CEP41: variants seen among roughly 807,000 people sequenced by gnomAD.
CEP41 encodes centrosomal protein 41.
In CEP41, 32 loss-of-function variants were observed where a neutral mutation model predicts 44.3. The ratio of observed to expected loss-of-function variants is 0.72; its 90% CI spans 0.54 to 0.97. The LOEUF (loss-of-function observed/expected upper bound fraction) is 0.97, where lower values mean the gene tolerates loss of function less well. Ranked by LOEUF, CEP41 falls within the 50% of genes least tolerant of loss-of-function variation. The probability of loss-of-function intolerance (pLI) is 0.00; values close to 1 mark genes in which losing one functional copy is unlikely to be tolerated. For missense variants in CEP41, 432 were observed against 455.2 expected, an observed-to-expected ratio of 0.95 and a Z score of 0.46; for synonymous variants, 151 against 168.5, an observed-to-expected ratio of 0.90 and a Z score of 0.80.
At chr7:130,440,469 C>T (rs1348862482) in intron 1 of CEP41, 7 of 292,468 alleles carry the variant, frequency 2.4e-5, no homozygotes, top group Non-Finnish European at 4.0e-5. Flanking sequence ...CTGAAGGGTC[C>T]TATGGAGAGA....
At position 130,398,013 on chromosome 7, in the gene CEP41, A is replaced by G. The variant is rs1257250168; in HGVS notation, c.*878T>C. The G allele has an allele frequency of 4.4e-6, 2 of 454,306 alleles. No homozygotes were observed. Among genetic ancestry groups the G allele is most frequent in the Non-Finnish European group, 8.8e-6 (2 of 226,792 alleles). 28.1% of individuals were successfully genotyped at this position (454,306 alleles called of 1,614,324 possible). A position where few individuals can be genotyped will look rare whatever the true frequency, so the allele number is the denominator to read the frequency against. ...TGTGTGTCCACAGTTGTCCAACCAA[A>G]GCTGGTATTTTCAACTGGCCATAAT... On this transcript the variant is annotated 3_prime_UTR_variant, in exon 11 of 11. Transcript: ENST00000223208.
Position 130,396,798 on chromosome 7 carries a change from ACC to A in CEP41, c.*2091_*2092del, listed in dbSNP as rs782445358. ...GGAGAAATACACATAAATATATCCA[ACC>A]TGCCAGATCTCTCAGGTGAGTGCAC... On this transcript the variant is annotated 3_prime_UTR_variant, in exon 11 of 11. Transcript: ENST00000223208. The A allele has an allele frequency of 4.4e-6, 2 of 453,960 alleles. No homozygotes were observed. The highest frequency in any genetic ancestry group is 3.1e-5 in the South Asian group (2 of 64,442). The allele number at this position is 453,960 out of a possible 1,614,324, so 28.1% of individuals were successfully genotyped here.
rs191638989 is a variant in CEP41, at chr7:130,398,748, G to C, written c.*143C>G. On this transcript the variant is annotated 3_prime_UTR_variant, in exon 11 of 11. Transcript: ENST00000223208. ...GCCTCCTGAGGGGAGAGGAACTGGA[G>C]ACAGGGACAGGGAAGAGGCCTATCC... The C allele has an allele frequency of 5.6e-5, 57 of 1,010,032 alleles. No individual in the cohort carries two copies. The East Asian group carries it at 1.2e-3, about 21-fold the overall frequency. 62.6% of individuals were successfully genotyped at this position (1,010,032 alleles called of 1,614,324 possible).
chr7:130,405,262 T>G (rs782300236), intron 5 of CEP41, among the ~76,000 whole-genome samples: 1 of 152,202 alleles, frequency 6.6e-6, no homozygotes, highest in Non-Finnish European at 1.5e-5. Context: ...GGAAAAGTAT[T>G]AGTGTGATTG....
chr7:130,425,501 C>T lies in CEP41; in HGVS notation c.97+2454G>A, dbSNP rs138708635. On this transcript the variant is annotated intron_variant, in intron 2 of 10. Coordinates refer to ENST00000223208, the MANE Select transcript of CEP41 (RefSeq NM_018718.3). ...GCCAAAATAAAAGCTGGTGACAACA[C>T]CAAATGCTGACAAGGATGTGGAGAA... is the stretch of plus-strand genomic sequence containing the variant. 2.6e-5 allele frequency among the ~76,000 whole-genome samples: 4 copies of T among 152,260 alleles called. No individual in the cohort carries two copies. In the South Asian group the frequency reaches 8.3e-4, roughly 32 times the overall value.
rs140706708 is a variant in CEP41 at position 130,394,315 on chromosome 7, C to G, written c.*4576G>C. On this transcript the variant is annotated 3_prime_UTR_variant, in exon 11 of 11. Transcript: ENST00000223208. Reference sequence around the variant, plus strand: ...TCTACCCGAACCTCAGTCTCCTCATCTGAAAATGGGGGTGCCTGCCTCATC... The same window carrying G: ...TCTACCCGAACCTCAGTCTCCTCATGTGAAAATGGGGGTGCCTGCCTCATC... The G allele has an allele frequency of 1.5e-5, 7 of 454,092 alleles. No homozygotes were observed. The highest frequency in any genetic ancestry group is 4.7e-5 in the South Asian group (3 of 64,478). The allele number at this position is 454,092 out of a possible 1,614,324, so 28.1% of individuals were successfully genotyped here.
intron 2 of CEP41, chr7:130,422,143 G>T: frequency 1.0e-6 from 1 of 1,001,772 alleles, no homozygotes; most frequent in Non-Finnish European, 1.4e-6. Context: ...CCAGGAGGAA[G>T]ATAGCAGTCT....
intron 5 of CEP41, among the ~76,000 whole-genome samples, chr7:130,406,370 G>T (rs1362885480): frequency 4.6e-5 from 7 of 152,044 alleles, no homozygotes; most frequent in African/African-American, 1.7e-4. Flanking sequence ...GATCACTTGA[G>T]GTCAGGAGTT....
chr7:130,397,724 A>T lies in CEP41; in HGVS notation c.*1167T>A. 1 of 454,208 alleles carries T rather than the reference A, an allele frequency of 2.2e-6. No homozygotes were observed. Among genetic ancestry groups the T allele is most frequent in the Non-Finnish European group, 4.4e-6 (1 of 226,696 alleles). The allele number at this position is 454,208 out of a possible 1,614,324, so 28.1% of individuals were successfully genotyped here. On this transcript the variant is annotated 3_prime_UTR_variant, in exon 11 of 11. Coordinates refer to ENST00000223208, the MANE Select transcript of CEP41 (RefSeq NM_018718.3). ...ACCGCTCTTTTCCATCTGATTTCAG[A>T]GTTCCTCATCCTTACCTGAGGCCTT...
chr7:130,417,474 C>T (rs1797371443), intron 2 of CEP41: 1 of 402,454 alleles, frequency 2.5e-6, no homozygotes, highest in Non-Finnish European at 3.5e-6. Flanking sequence ...TTCATGCTCA[C>T]GTTGCAGTCT....
In CEP41 at chr7:130,429,034, A is replaced by G. The variant is rs972861903; in HGVS notation, c.34-1016T>C. ...ACTGTAAGTCATCTGCCTCTGCCTCAAGAAATCTGTTAAGATGACCAAAGG... is the reference window on the plus strand; with the variant it reads ...ACTGTAAGTCATCTGCCTCTGCCTCGAGAAATCTGTTAAGATGACCAAAGG... On this transcript the variant is annotated intron_variant, in intron 1 of 10. Transcript: ENST00000223208. Among the ~76,000 whole-genome samples the G allele has an allele frequency of 2.6e-4, 40 of 152,344 alleles. 1 individual carries two copies. The highest frequency in any genetic ancestry group is 9.6e-4 in the African/African-American group (40 of 41,578).
intron 1 of CEP41, among the ~76,000 whole-genome samples, chr7:130,437,789 GAAAAAGAAAA>G (rs1798019217): frequency 8.7e-6 from 1 of 115,422 alleles, no homozygotes; most frequent in Non-Finnish European, 1.8e-5. Flanking sequence ...AAAAAAAAAA[GAAAAAGAAAA>G]AAAAAGATGT....
Position 130,422,157 on chromosome 7 carries a change from A to G in CEP41, c.98-5191T>C. On this transcript the variant is annotated intron_variant, in intron 2 of 10. Coordinates refer to ENST00000223208, the MANE Select transcript of CEP41 (RefSeq NM_018718.3). ...ACCAGGAGGAAGATAGCAGTCTTTGAAGAACTCAGTAGAATGTGATTTGGG... is the reference window on the plus strand; with the variant it reads ...ACCAGGAGGAAGATAGCAGTCTTTGGAGAACTCAGTAGAATGTGATTTGGG... The G allele has an allele frequency of 3.4e-6, 3 of 879,160 alleles. No individual in the cohort carries two copies. The South Asian group carries it at 5.8e-5, about 17-fold the overall frequency. 54.5% of individuals were successfully genotyped at this position (879,160 alleles called of 1,614,324 possible).
At chr7:130,409,590 G>A (rs1015904334) in intron 5 of CEP41, among the ~76,000 whole-genome samples, 1 of 152,198 alleles carries the variant, frequency 6.6e-6, no homozygotes, top group African/African-American at 2.4e-5. Context: ...CCAGTGTTCA[G>A]ACTTCCTGAG....
chr7:130,441,272 C>T (rs1209170553), upstream of CEP41: 2 of 331,298 alleles, frequency 6.0e-6, no homozygotes, highest in East Asian at 1.6e-4. Context: ...GAGGGGAAGG[C>T]TGGCGCCTGC....
rs185865316 is a variant in CEP41 at position 130,433,967 on chromosome 7, G to T, written c.34-5949C>A. Among the ~76,000 whole-genome samples the T allele has an allele frequency of 1.7e-3, 256 of 152,312 alleles. 3 individuals carry two copies. Among genetic ancestry groups the T allele is most frequent in the Non-Finnish European group, 2.7e-3 (181 of 68,026 alleles). On this transcript the variant is annotated intron_variant, in intron 1 of 10. Coordinates refer to ENST00000223208, the MANE Select transcript of CEP41 (RefSeq NM_018718.3). ...CTAGGGAGGAATGTCAAAGGAGATTGTTCATCCACTGGGGGTGATAAGAAA... is the reference window on the plus strand; with the variant it reads ...CTAGGGAGGAATGTCAAAGGAGATTTTTCATCCACTGGGGGTGATAAGAAA...
chr7:130,402,689 A>G lies in CEP41; in HGVS notation c.533T>C (p.Val178Ala). Residue 178 changes from valine to alanine, a missense_variant, in exon 7 of 11, where the codon GTG becomes GCG. Physicochemically the swap from Val to Ala is moderately conservative, Grantham distance 64. Transcript: ENST00000223208. ...CTGCTGGTAAGAATCTCTATCACGC[A>G]CATCTAGCAGCAGGAAGGGGCAGTC... is the stretch of plus-strand genomic sequence containing the variant. ...YPDCPFLLLD[V>A]RDRDSYQQCH... is the part of the protein sequence containing the mutation. 1 of 1,614,148 alleles carries G rather than the reference A, an allele frequency of 6.2e-7. No individual in the cohort carries two copies. The highest frequency in any genetic ancestry group is 8.5e-7 in the Non-Finnish European group (1 of 1,180,018).
chr7:130,399,118 T>C, intron 10 of CEP41, 79 bp from the exon 11 acceptor site: 1 of 1,567,294 alleles, frequency 6.4e-7, no homozygotes. Context: ...TTTAAGCTAA[T>C]GAAGTCCTAG....
At chr7:130,407,661 T>A (rs183221356) in intron 5 of CEP41, among the ~76,000 whole-genome samples, 1 of 152,282 alleles carries the variant, frequency 6.6e-6, no homozygotes, top group African/African-American at 2.4e-5. Flanking sequence ...CTAATTCAGA[T>A]AATCACCTCG....
Sources: gnomAD v4.1 joint callset for allele counts (sites outside exome capture counted in the v4.1 genomes callset) on GRCh38, gnomAD v4.1.1 for gene constraint, MANE v1.5 for transcripts, NCBI Gene and HGNC (gene_info 2026-07-23, HGNC 2026-07-21) for gene names.